The following CDK14 variants were observed in gnomAD, a reference collection of about 807,000 sequenced individuals.
CDK14 encodes cyclin-dependent kinase 14.
Under a neutral mutation model 60.7 loss-of-function variants are expected in CDK14, and 34 were observed. The ratio of observed to expected loss-of-function variants is 0.56; its 90% confidence interval spans 0.43 to 0.75. CDK14 has a LOEUF of 0.75. Ranked by LOEUF, CDK14 falls within the 30% of genes least tolerant of loss-of-function variation. The pLI, the probability that CDK14 is intolerant of heterozygous loss-of-function variation, is 0.00. For missense variants in CDK14, 482 were observed against 564.1 expected (o/e 0.85, Z 1.47); for synonymous variants, 197 against 203.7 (o/e 0.97, Z 0.28).
At chr7:90,711,293 G>T (rs2116646172) in intron 2 of CDK14, among the ~76,000 whole-genome samples, 1 of 152,088 alleles carries the variant, frequency 6.6e-6, no homozygotes, top group Non-Finnish European at 1.5e-5. Flanking sequence ...TACTGTTGAG[G>T]TTGGACATTG....
intron 14 of CDK14, among the ~76,000 whole-genome samples, chr7:91,181,426 CA>C (rs1467779760): frequency 1.3e-5 from 2 of 151,896 alleles, no homozygotes; most frequent in Non-Finnish European, 2.9e-5. Context: ...TTTTTTAAGG[CA>C]AAAATATTTT....
intron 12 of CDK14, among the ~76,000 whole-genome samples, chr7:91,082,415 T>A (rs887991078): frequency 1.3e-5 from 2 of 152,152 alleles, no homozygotes; most frequent in Admixed American, 6.5e-5. Flanking sequence ...AGGTTAACCT[T>A]TTCCTGCTTG....
chr7:90,670,962 G>C (rs565816488), intron 2 of CDK14, among the ~76,000 whole-genome samples: 131 of 152,184 alleles, frequency 8.6e-4, no homozygotes, highest in African/African-American at 2.8e-3. Flanking sequence ...AAGAACAAAA[G>C]CTGGTGGGCT....
chr7:90,798,802 G>A (rs537111155), intron 5 of CDK14, among the ~76,000 whole-genome samples: 10 of 152,154 alleles, frequency 6.6e-5, no homozygotes, highest in South Asian at 2.1e-4. Context: ...AAGTTCAGGC[G>A]CTTTGAAACT....
chr7:90,661,161 G>C (rs1312607466), intron 2 of CDK14, among the ~76,000 whole-genome samples: 1 of 152,226 alleles, frequency 6.6e-6, no homozygotes, highest in Admixed American at 6.5e-5. Flanking sequence ...TGCTGCAAGA[G>C]TCCTGTGGAA....
intron 5 of CDK14, among the ~76,000 whole-genome samples, chr7:90,801,052 CA>C (rs1357786943): frequency 1.3e-5 from 2 of 152,200 alleles, no homozygotes; most frequent in Non-Finnish European, 2.9e-5. Context: ...ATTATGTCTG[CA>C]AAGGCCCCAT....
chr7:90,811,197 T>C (rs996847695), intron 5 of CDK14, among the ~76,000 whole-genome samples: 6 of 152,066 alleles, frequency 3.9e-5, no homozygotes, highest in Admixed American at 1.3e-4. Context: ...GGAGGCATCA[T>C]GCTACCTGAC....
At chr7:90,695,058 C>T (rs1801626833) in intron 2 of CDK14, among the ~76,000 whole-genome samples, 1 of 152,166 alleles carries the variant, frequency 6.6e-6, no homozygotes, top group African/African-American at 2.4e-5. Flanking sequence ...CACCCTGTTG[C>T]CTACAAGATG....
intron 2 of CDK14, among the ~76,000 whole-genome samples, chr7:90,695,211 C>G (rs1319153606): frequency 6.6e-6 from 1 of 152,112 alleles, no homozygotes; most frequent in Non-Finnish European, 1.5e-5. Context: ...TTTCTGTATT[C>G]CTTTAAATAT....
intron 3 of CDK14, among the ~76,000 whole-genome samples, chr7:90,734,510 T>G (rs1243093054): frequency 6.6e-6 from 1 of 152,180 alleles, no homozygotes. Flanking sequence ...ATTTGCTTCT[T>G]TTCACTCTTT....
intron 11 of CDK14, among the ~76,000 whole-genome samples, chr7:91,049,083 A>G (rs1297798827): frequency 1.3e-5 from 2 of 150,970 alleles, no homozygotes; most frequent in Non-Finnish European, 1.5e-5. Context: ...GGGTCTTGCT[A>G]TGTTGCCAGG....
At chr7:91,013,656 GTTTTTTTT>G (rs56934476) in intron 10 of CDK14, among the ~76,000 whole-genome samples, 3 of 123,384 alleles carry the variant, frequency 2.4e-5, no homozygotes, top group African/African-American at 9.2e-5. Flanking sequence ...CATTGCCTCT[GTTTTTTTT>G]TTTTTTTTTT....
At chr7:90,940,356 T>G (rs1793881966) in intron 8 of CDK14, among the ~76,000 whole-genome samples, 1 of 152,206 alleles carries the variant, frequency 6.6e-6, no homozygotes, top group African/African-American at 2.4e-5. Flanking sequence ...TACATAGCGA[T>G]TTATTGGCCT....
At chr7:90,605,369 C>G (rs897528827) in intron 2 of CDK14, among the ~76,000 whole-genome samples, 4 of 152,214 alleles carry the variant, frequency 2.6e-5, no homozygotes, top group African/African-American at 9.6e-5. Context: ...GACTCCAAAG[C>G]AACTTTCCCT....
intron 6 of CDK14, among the ~76,000 whole-genome samples, chr7:90,867,735 G>A (rs1791234856): frequency 1.3e-5 from 2 of 152,068 alleles, no homozygotes; most frequent in South Asian, 4.1e-4. Flanking sequence ...GAGAGCTACC[G>A]CACACCATAG....
At chr7:90,831,725 G>A (rs923932102) in intron 5 of CDK14, among the ~76,000 whole-genome samples, 10 of 151,406 alleles carry the variant, frequency 6.6e-5, no homozygotes, top group East Asian at 2.0e-4. Context: ...CCCATTATCT[G>A]TCTTCCACAT....
chr7:91,035,449 C>T (rs1447806785), intron 10 of CDK14, among the ~76,000 whole-genome samples: 1 of 152,186 alleles, frequency 6.6e-6, no homozygotes, highest in Non-Finnish European at 1.5e-5. Context: ...TGTCATGTGG[C>T]TCCGCATAAG....
chr7:90,679,798 C>G (rs1801278747), intron 2 of CDK14, among the ~76,000 whole-genome samples: 1 of 152,162 alleles, frequency 6.6e-6, no homozygotes, highest in African/African-American at 2.4e-5. Flanking sequence ...TTGTATAAGT[C>G]ATTGAATCTG....
intron 2 of CDK14, among the ~76,000 whole-genome samples, chr7:90,665,158 G>A (rs1041797932): frequency 2.0e-5 from 3 of 151,776 alleles, no homozygotes; most frequent in East Asian, 3.9e-4. Flanking sequence ...AGTGGCGGGC[G>A]CCTGTAGTCC....
Sources: gnomAD v4.1 joint callset for allele counts (sites outside exome capture counted in the v4.1 genomes callset) on GRCh38, gnomAD v4.1.1 for gene constraint, MANE v1.5 for transcripts, NCBI Gene and HGNC (gene_info 2026-07-23, HGNC 2026-07-21) for gene names.